The following MAD1L1 variants were observed in gnomAD, a reference collection of about 807,000 sequenced individuals.
MAD1L1 encodes mitotic arrest deficient 1 like 1.
A neutral mutation model predicts 96.9 loss-of-function variants in MAD1L1; 95 were observed. That is an observed-to-expected ratio of 0.98 (90% confidence interval 0.83 to 1.16). The LOEUF (loss-of-function observed/expected upper bound fraction) is 1.16, where lower values mean the gene tolerates loss of function less well. Ranked by LOEUF, MAD1L1 falls within the 50% of genes most tolerant of loss-of-function variation. The probability of loss-of-function intolerance (pLI) is 0.00; values close to 1 mark genes in which losing one functional copy is unlikely to be tolerated. For missense variants in MAD1L1, 1,007 were observed against 954.4 expected (o/e 1.06, Z -0.73); for synonymous variants, 473 against 396.6 (o/e 1.19, Z -2.29).
chr7:2,044,381 C>G (rs184554689), intron 12 of MAD1L1, among the ~76,000 whole-genome samples: 20 of 152,300 alleles, frequency 1.3e-4, no homozygotes, highest in African/African-American at 4.8e-4. Context: ...CCTGAGAGGA[C>G]GCTCCTGCCA....
chr7:1,863,075 C>T (rs904462901), intron 18 of MAD1L1, among the ~76,000 whole-genome samples: 5 of 152,374 alleles, frequency 3.3e-5, no homozygotes, highest in Admixed American at 1.3e-4. Flanking sequence ...GGGGACGCTG[C>T]ACTCCGCACC....
chr7:1,888,328 A>T (rs1786283679), intron 18 of MAD1L1, among the ~76,000 whole-genome samples: 1 of 121,820 alleles, frequency 8.2e-6, no homozygotes, highest in Admixed American at 8.6e-5. Context: ...GTGTGTGTGC[A>T]TGCGTGCGGC....
chr7:1,915,955 T>C (rs1456477969), intron 17 of MAD1L1, among the ~76,000 whole-genome samples: 4 of 152,170 alleles, frequency 2.6e-5, no homozygotes, highest in African/African-American at 4.8e-5. Flanking sequence ...AAAGAAAGCA[T>C]TGAGAAAATG....
intron 7 of MAD1L1, among the ~76,000 whole-genome samples, chr7:2,217,305 A>G (rs1209717222): frequency 2.0e-5 from 3 of 152,210 alleles, no homozygotes; most frequent in African/African-American, 7.2e-5. Context: ...ACACTAACAG[A>G]GTCCATCGCC....
chr7:1,941,663 G>A (rs1477634421), intron 16 of MAD1L1, among the ~76,000 whole-genome samples: 3 of 152,370 alleles, frequency 2.0e-5, no homozygotes, highest in South Asian at 2.1e-4. Flanking sequence ...GAGCCACAGT[G>A]TGAGGCCAAG....
At chr7:2,179,541 A>AG (rs1791097676) in intron 10 of MAD1L1, among the ~76,000 whole-genome samples, 1 of 151,902 alleles carries the variant, frequency 6.6e-6, no homozygotes, top group South Asian at 2.1e-4. Flanking sequence ...AAAAAAAAAA[A>AG]AAAGAAAAAT....
chr7:2,101,351 C>T (rs1358034602), intron 11 of MAD1L1, among the ~76,000 whole-genome samples: 2 of 113,200 alleles, frequency 1.8e-5, no homozygotes, highest in African/African-American at 7.0e-5. Context: ...GGGTCTCCAT[C>T]CAGGTGGGTG....
intron 10 of MAD1L1, among the ~76,000 whole-genome samples, chr7:2,181,714 C>T (rs997686067): frequency 3.3e-5 from 5 of 152,184 alleles, no homozygotes; most frequent in South Asian, 4.1e-4. Flanking sequence ...GAAAAAGACA[C>T]GTGCACACGC....
chr7:1,818,871 G>A (rs910389665), intron 18 of MAD1L1, among the ~76,000 whole-genome samples: 3 of 151,612 alleles, frequency 2.0e-5, no homozygotes, highest in Non-Finnish European at 4.4e-5. Flanking sequence ...GGGGGTGGGG[G>A]TGGACGGAGA....
intron 4 of MAD1L1, 23 bp downstream of exon 4, chr7:2,225,387 A>G (rs1167898721): frequency 6.2e-7 from 1 of 1,610,758 alleles, no homozygotes; most frequent in East Asian, 2.2e-5. Flanking sequence ...GTCTGGGCCG[A>G]CCCTCGCCCC....
chr7:2,167,099 G>A (rs1482421315), intron 10 of MAD1L1, among the ~76,000 whole-genome samples: 2 of 152,214 alleles, frequency 1.3e-5, no homozygotes, highest in Non-Finnish European at 2.9e-5. Flanking sequence ...TCGCAGATAG[G>A]AGAGTGCCGG....
At chr7:1,830,810 G>C (rs1283340431) in intron 18 of MAD1L1, among the ~76,000 whole-genome samples, 1 of 152,068 alleles carries the variant, frequency 6.6e-6, no homozygotes. Context: ...TTCAATCCAA[G>C]AAAGGCAGAA....
At chr7:1,871,236 T>C (rs1207141316) in intron 18 of MAD1L1, among the ~76,000 whole-genome samples, 1 of 114,918 alleles carries the variant, frequency 8.7e-6, no homozygotes, top group Admixed American at 9.0e-5. Context: ...GAACCCAACA[T>C]ACGCCTGCCA....
intron 11 of MAD1L1, among the ~76,000 whole-genome samples, chr7:2,082,292 CG>C (rs902153411): frequency 6.6e-6 from 1 of 151,388 alleles, no homozygotes; most frequent in Non-Finnish European, 1.5e-5. Context: ...GGAAGGAGAG[CG>C]GGGACCATGG....
chr7:2,161,389 A>C (rs955413424), intron 10 of MAD1L1, among the ~76,000 whole-genome samples: 6 of 151,938 alleles, frequency 3.9e-5, no homozygotes, highest in Admixed American at 6.6e-5. Context: ...TTGCAGACGG[A>C]GTCTCACTCA....
At chr7:2,179,578 G>C (rs1791099000) in intron 10 of MAD1L1, among the ~76,000 whole-genome samples, 1 of 151,588 alleles carries the variant, frequency 6.6e-6, no homozygotes, top group South Asian at 2.1e-4. Context: ...AGGACAGAGG[G>C]AACAGAATGG....
chr7:2,150,904 T>C (rs1789539925), intron 10 of MAD1L1, among the ~76,000 whole-genome samples: 1 of 151,750 alleles, frequency 6.6e-6, no homozygotes, highest in African/African-American at 2.4e-5. Flanking sequence ...GCAGAAGGAG[T>C]AGCTGGCACC....
chr7:2,217,816 C>G (rs1221249126), intron 7 of MAD1L1, 146 bp downstream of exon 7: 2 of 695,912 alleles, frequency 2.9e-6, no homozygotes, highest in African/African-American at 3.5e-5. Flanking sequence ...ATCCCTGGTG[C>G]CCAGCACAGT....
intron 11 of MAD1L1, among the ~76,000 whole-genome samples, chr7:2,121,633 G>A (rs1787984847): frequency 6.6e-6 from 1 of 152,220 alleles, no homozygotes; most frequent in Non-Finnish European, 1.5e-5. Context: ...AATGTTGCCA[G>A]CAGGAGGCCG....
Sources: allele counts gnomAD v4.1 joint callset (sites outside exome capture counted in the v4.1 genomes callset), GRCh38; gene constraint gnomAD v4.1.1; transcripts MANE v1.5; gene names NCBI Gene and HGNC (gene_info 2026-07-23, HGNC 2026-07-21).